Variants in ABHD17C observed in about 807,000 individuals in gnomAD.
ABHD17C encodes the protein alpha/beta hydrolase domain-containing protein 17C.
A neutral mutation model predicts 27.9 loss-of-function variants in ABHD17C; 11 were observed. That is an observed-to-expected ratio of 0.39 (90% CI 0.25 to 0.65). The LOEUF is 0.65. Among genes scored for constraint, ABHD17C ranks in the 30% least tolerant of loss-of-function variants. The pLI is 0.45. For synonymous variants in ABHD17C, 233 were observed against 209.1 expected (o/e 1.11, Z -0.98); for missense variants, 280 against 470.2 (o/e 0.60, Z 3.74).
intron 1 of ABHD17C, among the ~76,000 whole-genome samples, chr15:80,717,812 C>T (rs1460476093): frequency 2.0e-5 from 3 of 152,122 alleles, no homozygotes; most frequent in Non-Finnish European, 4.4e-5. Flanking sequence ...ACCTTCTCCC[C>T]TGGACTAGGT....
intron 1 of ABHD17C, among the ~76,000 whole-genome samples, chr15:80,741,877 C>T (rs1895216323): frequency 6.6e-6 from 1 of 152,166 alleles, no homozygotes; most frequent in African/African-American, 2.4e-5. Flanking sequence ...GTCTACAATA[C>T]TATGACAATT....
chr15:80,715,084 A>G (rs1957058776), intron 1 of ABHD17C, among the ~76,000 whole-genome samples: 3 of 152,176 alleles, frequency 2.0e-5, no homozygotes, highest in Non-Finnish European at 2.9e-5. Flanking sequence ...CCCGGCCTAC[A>G]CAGTTTGCAT....
At chr15:80,730,238 C>G (rs1396747619) in intron 1 of ABHD17C, among the ~76,000 whole-genome samples, 5 of 152,156 alleles carry the variant, frequency 3.3e-5, no homozygotes, top group Admixed American at 1.3e-4. Flanking sequence ...CACCTTGAAC[C>G]CTTTCCTTTG....
Position 80,754,139 on chromosome 15 carries a change from T to G in ABHD17C, c.771-12T>G, listed in dbSNP as rs777932130. 8.7e-6 allele frequency: 14 copies of G among 1,607,658 alleles called. No individual in the cohort carries two copies. The highest frequency in any genetic ancestry group is 1.2e-5 in the Non-Finnish European group (14 of 1,174,378). On this transcript the variant is annotated splice_polypyrimidine_tract_variant and intron_variant, in intron 2 of 2. Coordinates refer to ENST00000258884, the MANE Select transcript of ABHD17C (RefSeq NM_021214.2). ...GAGTCCTCTTTCTGCCTCCCCCCTT[T>G]CTGTTTTGCAGCATTGACAAGATAT...
At chr15:80,700,720 G>A (rs140791764) in intron 1 of ABHD17C, among the ~76,000 whole-genome samples, 54 of 152,004 alleles carry the variant, frequency 3.6e-4, no homozygotes, top group African/African-American at 1.1e-3. Flanking sequence ...CAACATAGTT[G>A]GGACCCCCAT....
intron 2 of ABHD17C, among the ~76,000 whole-genome samples, chr15:80,753,480 T>G (rs188167984): frequency 6.6e-6 from 1 of 152,330 alleles, no homozygotes; most frequent in Admixed American, 6.5e-5. Context: ...AATGTTAACC[T>G]TACAGGAAAT....
intron 1 of ABHD17C, among the ~76,000 whole-genome samples, chr15:80,697,152 G>A (rs995037216): frequency 6.6e-6 from 1 of 152,088 alleles, no homozygotes; most frequent in African/African-American, 2.4e-5. Context: ...TGCCTGTCTG[G>A]GAAAATGGCT....
chr15:80,710,649 G>A (rs1258134478), intron 1 of ABHD17C, among the ~76,000 whole-genome samples: 1 of 152,224 alleles, frequency 6.6e-6, no homozygotes, highest in Non-Finnish European at 1.5e-5. Context: ...GTGAAGGGGA[G>A]TGTCAAGGAT....
intron 1 of ABHD17C, among the ~76,000 whole-genome samples, chr15:80,731,826 C>T (rs1380055083): frequency 3.9e-5 from 6 of 152,010 alleles, no homozygotes; most frequent in African/African-American, 1.5e-4. Flanking sequence ...TGAGCATGAG[C>T]CAGATTTAGG....
At chr15:80,711,468 A>G (rs376982639) in intron 1 of ABHD17C, among the ~76,000 whole-genome samples, 2 of 152,174 alleles carry the variant, frequency 1.3e-5, no homozygotes, top group African/African-American at 2.4e-5. Context: ...GTGATTTCCC[A>G]TAGGAGGCTC....
rs530231543 is a variant in ABHD17C at position 80,698,103 on chromosome 15, C to T, written c.590+2084C>T. On this transcript the variant is annotated intron_variant, in intron 1 of 2. Coordinates refer to ENST00000258884, the MANE Select transcript of ABHD17C (RefSeq NM_021214.2). The stretch of plus-strand genomic sequence containing the variant: ...TTTTTGAGACGGAGTCTTGCTCTGT[C>T]GCCCAGGCTGGAGTGCAGTGGCGCC... Among the ~76,000 whole-genome samples the T allele has an allele frequency of 9.8e-4, 137 of 139,902 alleles. 1 individual carries two copies. The highest frequency in any genetic ancestry group is 1.5e-3 in the Non-Finnish European group (102 of 66,274). 91.8% of individuals were successfully genotyped at this position (139,902 alleles called of 152,430 possible). A position where few individuals can be genotyped will look rare whatever the true frequency, so the allele number is the denominator to read the frequency against.
At chr15:80,748,096 G>A (rs1279012370) in intron 1 of ABHD17C, among the ~76,000 whole-genome samples, 1 of 152,146 alleles carries the variant, frequency 6.6e-6, no homozygotes, top group African/African-American at 2.4e-5. Flanking sequence ...GCACAGCCCA[G>A]GTGTGGTGCT....
rs1895412095 is a variant in ABHD17C at position 80,754,764 on chromosome 15, C to T, written c.*394C>T. ...ATTTCACATGCAGCTCTCTTTCTGC[C>T]ACTGGATACATGGGTTCAATCCATT... is the stretch of plus-strand genomic sequence containing the variant. On this transcript the variant is annotated 3_prime_UTR_variant, in exon 3 of 3. Coordinates refer to ENST00000258884, the MANE Select transcript of ABHD17C (RefSeq NM_021214.2). 2 of 171,496 alleles carry T rather than the reference C, an allele frequency of 1.2e-5. No homozygotes were observed. Among genetic ancestry groups the T allele is most frequent in the South Asian group, 1.5e-4 (1 of 6,460 alleles). The allele number at this position is 171,496 out of a possible 1,614,324, so 10.6% of individuals were successfully genotyped here.
chr15:80,744,308 A>C (rs559890496), intron 1 of ABHD17C, among the ~76,000 whole-genome samples: 1 of 152,148 alleles, frequency 6.6e-6, no homozygotes, highest in Non-Finnish European at 1.5e-5. Flanking sequence ...TAATTCAGAT[A>C]CTTCTCATTT....
intron 1 of ABHD17C, among the ~76,000 whole-genome samples, chr15:80,745,059 G>T (rs956038605): frequency 6.6e-6 from 1 of 152,012 alleles, no homozygotes; most frequent in Non-Finnish European, 1.5e-5. Context: ...GAATTTTTTT[G>T]TCATGAAATA....
At chr15:80,715,558 A>G (rs1029619437) in intron 1 of ABHD17C, among the ~76,000 whole-genome samples, 2 of 152,254 alleles carry the variant, frequency 1.3e-5, no homozygotes. Flanking sequence ...ATTTTTAAAA[A>G]ACTGAAAGGA....
intron 1 of ABHD17C, among the ~76,000 whole-genome samples, chr15:80,707,794 G>C (rs1386642382): frequency 2.0e-5 from 3 of 152,090 alleles, no homozygotes; most frequent in Non-Finnish European, 2.9e-5. Flanking sequence ...ACAGCTCGGC[G>C]TGTCAAAGTA....
intron 1 of ABHD17C, among the ~76,000 whole-genome samples, chr15:80,719,585 A>G (rs554146808): frequency 7.2e-5 from 11 of 152,326 alleles, no homozygotes; most frequent in East Asian, 1.9e-4. Context: ...TATCATTACT[A>G]TGGGGATATG....
rs1210309769 is a variant in ABHD17C, at chr15:80,695,480, C to T, written c.51C>T (p.Cys17=). 7.2e-7 allele frequency: 1 copy of T among 1,393,468 alleles called. No homozygotes were observed. The highest frequency in any genetic ancestry group is 9.4e-7 in the Non-Finnish European group (1 of 1,063,342). 86.3% of individuals were successfully genotyped at this position (1,393,468 alleles called of 1,614,324 possible). ...ACGGCTTCTCGCTGGGTGAGCTGTG[C>T]TGGCTCTTCTGCTGCCCGCCCTGCC... ...RMNGFSLGEL[C]WLFCCPPCPS... The change falls in exon 1 of 3, where the codon TGC becomes TGT. Residue 17 remains cysteine, a synonymous_variant. Coordinates refer to ENST00000258884, the MANE Select transcript of ABHD17C (RefSeq NM_021214.2). The surrounding 1 kb of genome is among the most constrained non-coding windows in gnomAD (Gnocchi z 4.3).
Sources: gnomAD v4.1 joint callset for allele counts (sites outside exome capture counted in the v4.1 genomes callset) on GRCh38, gnomAD v4.1.1 for gene constraint, Gnocchi (gnomAD v3.1) non-coding constraint, MANE v1.5 for transcripts, NCBI Gene and HGNC (gene_info 2026-07-23, HGNC 2026-07-21) for gene names.